Variants in ALX4 observed in about 807,000 individuals in gnomAD.
ALX4 encodes homeobox protein aristaless-like 4.
In ALX4, 22 loss-of-function variants were observed where a neutral mutation model predicts 40.6. That is an observed-to-expected ratio of 0.54 (90% CI 0.39 to 0.77). The LOEUF (loss-of-function observed/expected upper bound fraction) is 0.77, where lower values mean the gene tolerates loss of function less well. Among genes scored for constraint, ALX4 ranks in the 30% least tolerant of loss-of-function variants. The probability of loss-of-function intolerance (pLI) is 0.00; values close to 1 mark genes in which losing one functional copy is unlikely to be tolerated. For synonymous variants in ALX4, 266 were observed against 240.5 expected (o/e 1.11, Z -0.98); for missense variants, 556 against 564.8 (o/e 0.98, Z 0.16).
intron 1 of ALX4, among the ~76,000 whole-genome samples, chr11:44,280,305 A>G (rs1013070802): frequency 6.6e-6 from 1 of 152,224 alleles, no homozygotes; most frequent in Admixed American, 6.5e-5. Flanking sequence ...AACCCAGTCC[A>G]GGATCTGCCA....
chr11:44,281,633 A>G (rs1445501566), intron 1 of ALX4, among the ~76,000 whole-genome samples: 3 of 151,874 alleles, frequency 2.0e-5, no homozygotes, highest in Non-Finnish European at 4.4e-5. Context: ...CTTTCATGCT[A>G]TTGAAAGGGC....
At chr11:44,267,663 C>T (rs769624652) in intron 2 of ALX4, 41 bp from the exon 3 acceptor site, 3 of 1,613,254 alleles carry the variant, frequency 1.9e-6, no homozygotes, top group Non-Finnish European at 2.5e-6. Flanking sequence ...GGGTGAGATG[C>T]CCGCCTGGAG....
intron 2 of ALX4, among the ~76,000 whole-genome samples, chr11:44,272,032 G>T (rs574544914): frequency 4.6e-5 from 7 of 152,322 alleles, no homozygotes; most frequent in Admixed American, 2.6e-4. Flanking sequence ...CAATCCATTT[G>T]CTGGAGATCA....
rs368628013 is a variant in ALX4 at position 44,296,126 on chromosome 11, G to A, written c.466+13471C>T. On this transcript the variant is annotated intron_variant, in intron 1 of 3. Coordinates refer to ENST00000652299, the MANE Select transcript of ALX4 (RefSeq NM_021926.4). ...TCATTCAGGGGCCAGATAGACAAAT[G>A]CAACAGAATAGAGACCAGATGTAAA... 1.4e-4 allele frequency among the ~76,000 whole-genome samples: 22 copies of A among 152,310 alleles called. 1 individual carries two copies. In the South Asian group the frequency reaches 3.1e-3, roughly 22 times the overall value.
At chr11:44,287,034 C>T (rs765592687) in intron 1 of ALX4, among the ~76,000 whole-genome samples, 3 of 152,202 alleles carry the variant, frequency 2.0e-5, no homozygotes, top group Non-Finnish European at 2.9e-5. Context: ...ACACCCCTGT[C>T]GTTTGGCCCA....
intron 1 of ALX4, among the ~76,000 whole-genome samples, chr11:44,304,288 C>A (rs559673311): frequency 6.6e-6 from 1 of 152,356 alleles, no homozygotes; most frequent in Admixed American, 6.5e-5. Context: ...GGGTGCAGGA[C>A]GGCGCTCTTA....
chr11:44,309,214 G>A (rs1039737526), intron 1 of ALX4, among the ~76,000 whole-genome samples: 2 of 146,388 alleles, frequency 1.4e-5, no homozygotes, highest in Non-Finnish European at 3.0e-5. Context: ...CCGCAGCCCC[G>A]CAGCCCCGCA....
chr11:44,276,192 G>A (rs890539615), intron 1 of ALX4, among the ~76,000 whole-genome samples: 2 of 152,200 alleles, frequency 1.3e-5, no homozygotes, highest in African/African-American at 4.8e-5. Flanking sequence ...CAGGAGCTGT[G>A]GAGACTCTGC....
At chr11:44,281,885 C>T (rs867760210) in intron 1 of ALX4, among the ~76,000 whole-genome samples, 9 of 152,270 alleles carry the variant, frequency 5.9e-5, no homozygotes, top group African/African-American at 1.4e-4. Context: ...GACAGTGTCC[C>T]GGCCCTCAAG....
chr11:44,278,755 T>C (rs193014905), intron 1 of ALX4, among the ~76,000 whole-genome samples: 49 of 152,174 alleles, frequency 3.2e-4, no homozygotes, highest in African/African-American at 1.1e-3. Flanking sequence ...CACCTACAAA[T>C]AGGGAGAGCG....
intron 2 of ALX4, among the ~76,000 whole-genome samples, chr11:44,268,025 C>G (rs1338722571): frequency 1.3e-5 from 2 of 152,224 alleles, no homozygotes; most frequent in East Asian, 3.8e-4. Flanking sequence ...CAATCACACA[C>G]AGTTTTGCCA....
At chr11:44,302,576 G>T (rs942277028) in intron 1 of ALX4, among the ~76,000 whole-genome samples, 1 of 152,236 alleles carries the variant, frequency 6.6e-6, no homozygotes, top group South Asian at 2.1e-4. Flanking sequence ...CCCAGGGAAG[G>T]TGCTCCATAA....
chr11:44,294,194 T>A (rs1310383181), intron 1 of ALX4, among the ~76,000 whole-genome samples: 3 of 152,204 alleles, frequency 2.0e-5, no homozygotes, highest in Non-Finnish European at 2.9e-5. Context: ...AAATTGAGGA[T>A]ACTAATATCT....
chr11:44,283,558 T>C (rs776669130), intron 1 of ALX4, among the ~76,000 whole-genome samples: 13 of 152,178 alleles, frequency 8.5e-5, no homozygotes, highest in Non-Finnish European at 1.9e-4. Flanking sequence ...TGATAGTCTT[T>C]ATTCTGCACG....
At chr11:44,274,560 T>C (rs971495363) in intron 2 of ALX4, among the ~76,000 whole-genome samples, 2 of 151,956 alleles carry the variant, frequency 1.3e-5, no homozygotes, top group Non-Finnish European at 2.9e-5. Flanking sequence ...TTGGAATGGG[T>C]TGAGTTGGGT....
chr11:44,273,637 C>T (rs531654262), intron 2 of ALX4, among the ~76,000 whole-genome samples: 1 of 152,216 alleles, frequency 6.6e-6, no homozygotes, highest in African/African-American at 2.4e-5. Flanking sequence ...TAACGTAAGC[C>T]AGTCAACAAT....
At position 44,264,932 on chromosome 11, in the gene ALX4, C is replaced by A. The variant is rs372442372; in HGVS notation, c.1158G>T (p.Pro386=). 6 of 1,612,908 alleles carry A rather than the reference C, an allele frequency of 3.7e-6. No homozygotes were observed. The African/African-American group carries it at 5.3e-5, about 14-fold the overall frequency. The change falls in exon 4 of 4, where the codon CCG becomes CCT. Residue 386 remains proline, a synonymous_variant. Coordinates refer to ENST00000652299, the MANE Select transcript of ALX4 (RefSeq NM_021926.4). ...GLNGYELNGE[P]DRKTSSIAAL... is the part of the protein sequence containing the mutation. The stretch of plus-strand genomic sequence containing the variant: ...CCGCGATGCTCGAGGTCTTGCGGTC[C>A]GGCTCGCCGTTGAGCTCGTAGCCAT...
rs1484735721 is a variant in ALX4, at chr11:44,264,680, C to A, written c.*174G>T. ...GGAGGGGCCAGGGGCCTGCTGCCCC[C>A]TCCCTCCCAGCAGTCCACGGGGCCT... On this transcript the variant is annotated 3_prime_UTR_variant, in exon 4 of 4. Coordinates refer to ENST00000652299, the MANE Select transcript of ALX4 (RefSeq NM_021926.4). 1 of 710,332 alleles carries A rather than the reference C, an allele frequency of 1.4e-6. No homozygotes were observed. The highest frequency in any genetic ancestry group is 2.3e-6 in the Non-Finnish European group (1 of 437,266). The allele number at this position is 710,332 out of a possible 1,614,324, so 44.0% of individuals were successfully genotyped here.
In ALX4 at chr11:44,267,362, C is replaced by T; in HGVS notation, c.906+132G>A. On this transcript the variant is annotated intron_variant, in intron 3 of 3. Coordinates refer to ENST00000652299, the MANE Select transcript of ALX4 (RefSeq NM_021926.4). ...CCACACTCTGGTATAAACAGGCACA[C>T]CCCTGGAATGAGACGGAAGGGCAGC... is the stretch of plus-strand genomic sequence containing the variant. 9.8e-6 allele frequency: 12 copies of T among 1,225,724 alleles called. No individual in the cohort carries two copies. The South Asian group carries it at 1.4e-4, about 14-fold the overall frequency. The allele number at this position is 1,225,724 out of a possible 1,614,324, so 75.9% of individuals were successfully genotyped here. A position where few individuals can be genotyped will look rare whatever the true frequency, so the allele number is the denominator to read the frequency against.
Sources: gnomAD v4.1 joint callset for allele counts (sites outside exome capture counted in the v4.1 genomes callset) on GRCh38, gnomAD v4.1.1 for gene constraint, MANE v1.5 for transcripts, NCBI Gene and HGNC (gene_info 2026-07-23, HGNC 2026-07-21) for gene names.